The following CLDN10 variants were observed in gnomAD, a reference collection of about 807,000 sequenced individuals.
CLDN10 encodes claudin-10.
Under a neutral mutation model 22.9 loss-of-function variants are expected in CLDN10, and 15 were observed. That is an observed-to-expected ratio of 0.65 (90% CI 0.44 to 1.01). The LOEUF is 1.01. Ranked by LOEUF, CLDN10 falls within the 50% of genes least tolerant of loss-of-function variation. The pLI is 0.00. For missense variants in CLDN10, 247 were observed against 287.8 expected, an observed-to-expected ratio of 0.86 and a Z score of 1.03; for synonymous variants, 114 against 111.4, an observed-to-expected ratio of 1.02 and a Z score of -0.15.
chr13:95,481,324 G>T (rs932943219), intron 1 of CLDN10, among the ~76,000 whole-genome samples: 1 of 152,156 alleles, frequency 6.6e-6, no homozygotes, highest in African/African-American at 2.4e-5. Context: ...GGATGGCCGG[G>T]GCAGAACCCT....
At chr13:95,577,451 G>A (rs774518408) in intron 4 of CLDN10, 113 bp downstream of exon 4, 32 of 747,458 alleles carry the variant, frequency 4.3e-5, no homozygotes, top group Middle Eastern at 3.7e-4. Flanking sequence ...TCCAAAATCC[G>A]GAATTGGAAA....
intron 1 of CLDN10, among the ~76,000 whole-genome samples, chr13:95,475,588 G>A (rs1449313332): frequency 6.6e-6 from 1 of 152,216 alleles, no homozygotes; most frequent in Non-Finnish European, 1.5e-5. Context: ...AAGAGTTTCA[G>A]TGCTGTTTGC....
chr13:95,442,717 T>C (rs2042336116), intron 1 of CLDN10, among the ~76,000 whole-genome samples: 1 of 152,134 alleles, frequency 6.6e-6, no homozygotes. Flanking sequence ...AGGGAAAAAC[T>C]TTGGGACAGA....
At chr13:95,577,608 A>G (rs1335500359) in intron 4 of CLDN10, among the ~76,000 whole-genome samples, 1 of 152,194 alleles carries the variant, frequency 6.6e-6, no homozygotes, top group Non-Finnish European at 1.5e-5. Flanking sequence ...AGGAATGTTG[A>G]TGGCCTCTAC....
At chr13:95,435,224 A>G (rs745780739) in intron 1 of CLDN10, among the ~76,000 whole-genome samples, 4 of 152,208 alleles carry the variant, frequency 2.6e-5, no homozygotes, top group Non-Finnish European at 5.9e-5. Context: ...TACATTTACA[A>G]ATCTGCCACA....
rs560186436 is a variant in CLDN10, at chr13:95,455,584, G to T, written c.214+21537G>T. The stretch of plus-strand genomic sequence containing the variant: ...AAATAAGGGTTCTGTAAGTTCATTT[G>T]TTGGGTGAATGGATTTATTTATTCA... On this transcript the variant is annotated intron_variant, in intron 1 of 4. Transcript: ENST00000376873. Among the ~76,000 whole-genome samples the T allele has an allele frequency of 2.0e-5, 3 of 152,190 alleles. No homozygotes were observed. The South Asian group carries it at 6.2e-4, about 31-fold the overall frequency.
intron 1 of CLDN10, among the ~76,000 whole-genome samples, chr13:95,464,536 A>G (rs1210313578): frequency 1.3e-5 from 2 of 152,096 alleles, no homozygotes; most frequent in East Asian, 3.8e-4. Flanking sequence ...AGTCTTTGCT[A>G]TTGTGAGTAG....
At chr13:95,473,641 A>C (rs2042657527) in intron 1 of CLDN10, among the ~76,000 whole-genome samples, 1 of 152,180 alleles carries the variant, frequency 6.6e-6, no homozygotes, top group Non-Finnish European at 1.5e-5. Context: ...AATCACCCAG[A>C]AGGGCTACGG....
At chr13:95,448,090 A>G (rs1020436763) in intron 1 of CLDN10, among the ~76,000 whole-genome samples, 25 of 152,116 alleles carry the variant, frequency 1.6e-4, no homozygotes, top group African/African-American at 6.0e-4. Flanking sequence ...AACTTAAACT[A>G]GACTGCCCAC....
chr13:95,511,636 T>G (rs1374814603), intron 1 of CLDN10, among the ~76,000 whole-genome samples: 1 of 151,698 alleles, frequency 6.6e-6, no homozygotes, highest in African/African-American at 2.4e-5. Context: ...CCTTTTTTTT[T>G]TTGGTTTTTG....
At chr13:95,558,471 A>G (rs553989420) in intron 1 of CLDN10, among the ~76,000 whole-genome samples, 1 of 152,344 alleles carries the variant, frequency 6.6e-6, no homozygotes, top group East Asian at 1.9e-4. Flanking sequence ...TGTTTTCTGT[A>G]TGGAAATATT....
At chr13:95,494,933 A>T (rs2042912073) in intron 1 of CLDN10, among the ~76,000 whole-genome samples, 1 of 152,066 alleles carries the variant, frequency 6.6e-6, no homozygotes, top group African/African-American at 2.4e-5. Context: ...CTCTTAAAAA[A>T]CTAACTGCTT....
intron 1 of CLDN10, among the ~76,000 whole-genome samples, chr13:95,466,245 A>T (rs780554179): frequency 1.6e-4 from 24 of 152,160 alleles, no homozygotes; most frequent in Non-Finnish European, 2.9e-4. Flanking sequence ...AAATGTGGAT[A>T]TTAGTCTGTA....
At chr13:95,541,107 C>G (rs971792608) in intron 1 of CLDN10, among the ~76,000 whole-genome samples, 1 of 152,230 alleles carries the variant, frequency 6.6e-6, no homozygotes, top group Non-Finnish European at 1.5e-5. Context: ...GGACCTTCTA[C>G]AAATGCTTAA....
chr13:95,501,836 G>A (rs1028413289), intron 1 of CLDN10, among the ~76,000 whole-genome samples: 1 of 152,042 alleles, frequency 6.6e-6, no homozygotes, highest in East Asian at 1.9e-4. Flanking sequence ...CTGGTGGGGG[G>A]TTTCTATTTG....
At chr13:95,439,090 T>C (rs1437090669) in intron 1 of CLDN10, among the ~76,000 whole-genome samples, 2 of 151,966 alleles carry the variant, frequency 1.3e-5, no homozygotes, top group Non-Finnish European at 2.9e-5. Flanking sequence ...CCATCTGATG[T>C]CATCAATTTA....
intron 1 of CLDN10, among the ~76,000 whole-genome samples, chr13:95,498,784 G>A (rs767102845): frequency 1.3e-5 from 2 of 152,194 alleles, no homozygotes; most frequent in Non-Finnish European, 2.9e-5. Flanking sequence ...TGAGTGTATA[G>A]CTCAATAGTG....
intron 1 of CLDN10, among the ~76,000 whole-genome samples, chr13:95,479,103 C>G (rs1423190549): frequency 6.6e-6 from 1 of 152,230 alleles, no homozygotes; most frequent in East Asian, 1.9e-4. Flanking sequence ...GTAATCCCAG[C>G]ACTTTGGGAG....
intron 1 of CLDN10, among the ~76,000 whole-genome samples, chr13:95,502,862 G>A (rs1003074504): frequency 5.3e-5 from 8 of 152,180 alleles, no homozygotes; most frequent in Non-Finnish European, 1.0e-4. Context: ...CTCTCCCGAT[G>A]CATTATGCTC....
Sources: gnomAD v4.1 joint callset for allele counts (sites outside exome capture counted in the v4.1 genomes callset) on GRCh38, gnomAD v4.1.1 for gene constraint, MANE v1.5 for transcripts, NCBI Gene and HGNC (gene_info 2026-07-23, HGNC 2026-07-21) for gene names.